The following KLHL42 variants were observed in gnomAD, a reference collection of about 807,000 sequenced individuals.
KLHL42 encodes the protein kelch-like protein 42.
Under a neutral mutation model 32.7 loss-of-function variants are expected in KLHL42, and 27 were observed. The ratio of observed to expected loss-of-function variants is 0.83; its 90% confidence interval spans 0.61 to 1.14. The LOEUF is 1.14. KLHL42 is among the 50% of genes most tolerant of loss of function. The pLI is 0.00. For missense variants in KLHL42, 491 were observed against 560.8 expected (o/e 0.88, Z 1.26); for synonymous variants, 267 against 248.2 (o/e 1.08, Z -0.71).
At chr12:27,794,570 C>G (rs1284229911) in intron 2 of KLHL42, among the ~76,000 whole-genome samples, 1 of 152,168 alleles carries the variant, frequency 6.6e-6, no homozygotes, top group Non-Finnish European at 1.5e-5. Flanking sequence ...TAGCTCATTG[C>G]AGGCTCAACC....
At chr12:27,793,415 T>C (rs535556375) in intron 2 of KLHL42, among the ~76,000 whole-genome samples, 8 of 151,706 alleles carry the variant, frequency 5.3e-5, no homozygotes, top group African/African-American at 1.7e-4. Flanking sequence ...TGGTGGCATG[T>C]ACCTGTAGTC....
At chr12:27,783,788 G>T (rs1367887267) in intron 1 of KLHL42, among the ~76,000 whole-genome samples, 1 of 151,994 alleles carries the variant, frequency 6.6e-6, no homozygotes, top group Non-Finnish European at 1.5e-5. Flanking sequence ...GTTTCACTGT[G>T]TTAGACAGGA....
In KLHL42 at chr12:27,780,462, G is replaced by C; in HGVS notation, c.132G>C (p.Gln44His). The C allele has an allele frequency of 6.5e-7, 1 of 1,544,886 alleles. No homozygotes were observed. Among genetic ancestry groups the C allele is most frequent in the South Asian group, 1.2e-5 (1 of 83,868 alleles). ...YRSGMREALS[Q>H]EAGGPEVQQL... is the part of the protein sequence containing the mutation. ...CCGGCATGCGCGAGGCCCTGAGCCA[G>C]GAGGCCGGCGGCCCGGAGGTGCAGC... The change falls in exon 1 of 3, where the codon CAG becomes CAC. Residue 44 changes from glutamine to histidine, a missense_variant. Gln to His is a conservative substitution (Grantham distance 24). This residue lies in a region of KLHL42 where 88 missense variants were observed against 89.0 expected (regional missense o/e 0.99). Coordinates refer to ENST00000381271, the MANE Select transcript of KLHL42 (RefSeq NM_020782.2). This position sits in a 1 kb window ranked among gnomAD's most constrained non-coding sequence, Gnocchi z 8.8.
At chr12:27,797,658 G>C in intron 2 of KLHL42, 57 bp from the exon 3 acceptor site, 2 of 667,588 alleles carry the variant, frequency 3.0e-6, no homozygotes, top group South Asian at 1.7e-5. Flanking sequence ...TTTCTGTACA[G>C]ACTTGCCTAG....
intron 2 of KLHL42, chr12:27,797,188 C>T: frequency 2.2e-6 from 1 of 454,828 alleles, no homozygotes; most frequent in Admixed American, 2.4e-5. Flanking sequence ...TGTTAGAAGG[C>T]CGCAGGTGAG....
At chr12:27,786,581 T>G (rs540844583) in intron 1 of KLHL42, among the ~76,000 whole-genome samples, 1 of 152,330 alleles carries the variant, frequency 6.6e-6, no homozygotes, top group South Asian at 2.1e-4. Flanking sequence ...TTGATTCACC[T>G]TTGTCGGAGA....
chr12:27,787,902 C>A (rs34906850), intron 1 of KLHL42: 1 of 152,322 alleles, frequency 6.6e-6, no homozygotes, highest in Non-Finnish European at 1.5e-5. Context: ...CACACTCCCC[C>A]CCAACTCCCC....
rs1035726008 is a variant in KLHL42, at chr12:27,796,797, G to A, written c.1067-918G>A. ...ACCATAGGTGCACACCACCATGCCT[G>A]GCTAATTTTTTATTTTTTTTAGAGA... On this transcript the variant is annotated intron_variant, in intron 2 of 2. Coordinates refer to ENST00000381271, the MANE Select transcript of KLHL42 (RefSeq NM_020782.2). Among the ~76,000 whole-genome samples the A allele has an allele frequency of 2.4e-4, 37 of 151,926 alleles. 1 individual carries two copies. Among genetic ancestry groups the A allele is most frequent in the African/African-American group, 8.9e-4 (37 of 41,342 alleles).
Position 27,798,255 on chromosome 12 carries a change from G to A in KLHL42, c.*89G>A. ...TCCAAGGGAGACCAATTCCTAAAGG[G>A]TAAAGAAGGGTTAAAGTAGGTCACA... On this transcript the variant is annotated 3_prime_UTR_variant, in exon 3 of 3. Transcript: ENST00000381271. 1.5e-6 allele frequency: 1 copy of A among 678,852 alleles called. No individual in the cohort carries two copies. The highest frequency in any genetic ancestry group is 2.6e-6 in the Non-Finnish European group (1 of 377,788). The allele number at this position is 678,852 out of a possible 1,614,324, so 42.1% of individuals were successfully genotyped here.
chr12:27,791,951 G>C (rs1459256680), intron 2 of KLHL42, 50 bp downstream of exon 2: 3 of 1,542,014 alleles, frequency 1.9e-6, no homozygotes, highest in Non-Finnish European at 2.7e-6. Flanking sequence ...GGCGTCAGCA[G>C]TCTGGGAAGG....
Position 27,797,795 on chromosome 12 carries a change from A to G in KLHL42, c.1147A>G (p.Lys383Glu), listed in dbSNP as rs2062225968. The change falls in exon 3 of 3, where the codon AAG (lysine) becomes GAG (glutamate). Residue 383 changes from lysine (K) to glutamate (E), a missense_variant. By Grantham distance (56) the Lys-to-Glu change is moderately conservative (BLOSUM62 1). This residue lies in a region of KLHL42 where 152 missense variants were observed against 125.9 expected (regional missense o/e 1.21). Transcript: ENST00000381271. Reference protein sequence around the residue: ...LFETCDVHIRKQQMVSVEETI... With the variant: ...LFETCDVHIREQQMVSVEETI... ...TGAAACATGTGACGTCCACATTCGC[A>G]AGCAGCAGATGGTGTCTGTGGAAGA... The G allele has an allele frequency of 2.6e-6, 2 of 762,164 alleles. No homozygotes were observed. The highest frequency in any genetic ancestry group is 1.7e-5 in the African/African-American group (1 of 58,580). The allele number at this position is 762,164 out of a possible 1,614,324, so 47.2% of individuals were successfully genotyped here. A position where few individuals can be genotyped will look rare whatever the true frequency, so the allele number is the denominator to read the frequency against.
At chr12:27,786,384 G>A (rs559466256) in intron 1 of KLHL42, among the ~76,000 whole-genome samples, 66 of 152,276 alleles carry the variant, frequency 4.3e-4, no homozygotes, top group South Asian at 2.5e-3. Flanking sequence ...AACTGATGAC[G>A]TAATTGCTGC....
chr12:27,797,996 G>A lies in KLHL42; in HGVS notation c.1348G>A (p.Gly450Ser), dbSNP rs1289142544. The change falls in exon 3 of 3, where the codon GGC becomes AGC. Residue 450 changes from glycine (G) to serine (S), a missense_variant. Gly to Ser is a moderately conservative substitution (Grantham distance 56). This residue lies in a region of KLHL42 where 152 missense variants were observed against 125.9 expected (regional missense o/e 1.21). Coordinates refer to ENST00000381271, the MANE Select transcript of KLHL42 (RefSeq NM_020782.2). ...LNLTCALHNDGIYIMSRDVTL... is the reference protein window; with the variant it reads ...LNLTCALHNDSIYIMSRDVTL... ...CTTGACTTGTGCGCTCCATAACGAC[G>A]GCATCTACATCATGAGCAGAGACGT... 2.6e-6 allele frequency: 2 copies of A among 780,852 alleles called. No individual in the cohort carries two copies. The highest frequency in any genetic ancestry group is 2.4e-5 in the East Asian group (1 of 41,260). The allele number at this position is 780,852 out of a possible 1,614,324, so 48.4% of individuals were successfully genotyped here. A position where few individuals can be genotyped will look rare whatever the true frequency, so the allele number is the denominator to read the frequency against.
intron 2 of KLHL42, among the ~76,000 whole-genome samples, chr12:27,796,789 C>A (rs1476974491): frequency 6.6e-6 from 1 of 152,054 alleles, no homozygotes; most frequent in African/African-American, 2.4e-5. Context: ...GTGCACACCA[C>A]CATGCCTGGC....
In KLHL42 at chr12:27,792,026, C is replaced by T. The variant is rs1241578899; in HGVS notation, c.1066+125C>T. On this transcript the variant is annotated intron_variant, in intron 2 of 2. Coordinates refer to ENST00000381271, the MANE Select transcript of KLHL42 (RefSeq NM_020782.2). ...TCATGTTATGCTTTAATAGTGTACACTTACACATCTGGAAGGAAGAGAGTT... is the reference window on the plus strand; with the variant it reads ...TCATGTTATGCTTTAATAGTGTACATTTACACATCTGGAAGGAAGAGAGTT... 4.2e-6 allele frequency: 3 copies of T among 716,198 alleles called. No homozygotes were observed. In the East Asian group the frequency reaches 7.8e-5, roughly 19 times the overall value. The allele number at this position is 716,198 out of a possible 1,614,324, so 44.4% of individuals were successfully genotyped here. A position where few individuals can be genotyped will look rare whatever the true frequency, so the allele number is the denominator to read the frequency against.
At chr12:27,792,682 C>T (rs2062202642) in intron 2 of KLHL42, among the ~76,000 whole-genome samples, 1 of 152,036 alleles carries the variant, frequency 6.6e-6, no homozygotes, top group Non-Finnish European at 1.5e-5. Flanking sequence ...ACCACCATGC[C>T]CCGCTAATTT....
At position 27,802,967 on chromosome 12, in the gene KLHL42, C is replaced by G. The variant is rs2062255085; in HGVS notation, c.*4801C>G. 1 of 152,182 alleles carries G rather than the reference C, an allele frequency of 6.6e-6. No homozygotes were observed. Among genetic ancestry groups the G allele is most frequent in the Non-Finnish European group, 1.5e-5 (1 of 68,032 alleles). The allele number at this position is 152,182 out of a possible 1,614,324, so 9.4% of individuals were successfully genotyped here. A position where few individuals can be genotyped will look rare whatever the true frequency, so the allele number is the denominator to read the frequency against. On this transcript the variant is annotated 3_prime_UTR_variant, in exon 3 of 3. Coordinates refer to ENST00000381271, the MANE Select transcript of KLHL42 (RefSeq NM_020782.2). ...TGAATACAAGAATGCCTATGAAATA[C>G]CCACTATAACAGCATTCCTTTTGTG...
At chr12:27,792,099 G>T in intron 2 of KLHL42, 198 bp downstream of exon 2, 1 of 424,070 alleles carries the variant, frequency 2.4e-6, no homozygotes, top group Non-Finnish European at 4.2e-6. Flanking sequence ...TGATAACTTT[G>T]TGTGAGCATG....
chr12:27,780,504 C>A lies in KLHL42; in HGVS notation c.174C>A (p.Ser58Arg). The change falls in exon 1 of 3, where the codon AGC becomes AGA. Residue 58 changes from serine (S) to arginine (R), a missense_variant. Physicochemically the swap from Ser to Arg is moderately radical, Grantham distance 110. This residue lies in a region of KLHL42 where 88 missense variants were observed against 89.0 expected (regional missense o/e 0.99). Coordinates refer to ENST00000381271, the MANE Select transcript of KLHL42 (RefSeq NM_020782.2). This position sits in a 1 kb window ranked among gnomAD's most constrained non-coding sequence, Gnocchi z 8.8. ...AGGTGCAGCAGCTGCGCGGCCTCAG[C>A]GCGCCGGGCCTGCGGCTGGTGCTGG... is the stretch of plus-strand genomic sequence containing the variant. The part of the protein sequence containing the change: ...GPEVQQLRGL[S>R]APGLRLVLDF... 6.5e-7 allele frequency: 1 copy of A among 1,540,454 alleles called. No individual in the cohort carries two copies. The highest frequency in any genetic ancestry group is 8.7e-7 in the Non-Finnish European group (1 of 1,145,420).
Sources: allele counts gnomAD v4.1 joint callset (sites outside exome capture counted in the v4.1 genomes callset), GRCh38; gene constraint gnomAD v4.1.1; regional missense constraint gnomAD v4.1.1; non-coding constraint Gnocchi (gnomAD v3.1); transcripts MANE v1.5; gene names NCBI Gene and HGNC (gene_info 2026-07-23, HGNC 2026-07-21).